The following PKP4 variants were observed in gnomAD, a reference collection of about 807,000 sequenced individuals.
PKP4 encodes the protein plakophilin-4.
In PKP4, 90 loss-of-function variants were observed where a neutral mutation model predicts 145.1. That is an observed-to-expected ratio of 0.62 (90% CI 0.52 to 0.74). PKP4 has a LOEUF of 0.74. Among genes scored for constraint, PKP4 ranks in the 30% least tolerant of loss-of-function variants. The probability of loss-of-function intolerance (pLI) is 0.00; values close to 1 mark genes in which losing one functional copy is unlikely to be tolerated. For missense variants in PKP4, 1,340 were observed against 1,482.7 expected (o/e 0.90, Z 1.58); for synonymous variants, 563 against 577.2 (o/e 0.98, Z 0.35).
chr2:158,521,831 C>G (rs1574256803), intron 1 of PKP4, among the ~76,000 whole-genome samples: 1 of 152,096 alleles, frequency 6.6e-6, no homozygotes, highest in East Asian at 1.9e-4. Flanking sequence ...GATGATACTC[C>G]TAGCAATTTT....
intron 2 of PKP4, among the ~76,000 whole-genome samples, chr2:158,566,822 A>G (rs1291823018): frequency 6.6e-6 from 1 of 152,202 alleles, no homozygotes; most frequent in East Asian, 1.9e-4. Flanking sequence ...AATTATTTAT[A>G]TCTGCAAACA....
chr2:158,577,070 A>G (rs1209487139), intron 2 of PKP4, among the ~76,000 whole-genome samples: 1 of 152,154 alleles, frequency 6.6e-6, no homozygotes, highest in Non-Finnish European at 1.5e-5. Context: ...ATAAAGGCTG[A>G]TATTCTATTG....
chr2:158,663,411 G>T lies in PKP4; in HGVS notation c.2543G>T (p.Gly848Val). The T allele has an allele frequency of 1.9e-6, 3 of 1,613,996 alleles. No homozygotes were observed. The highest frequency in any genetic ancestry group is 2.5e-6 in the Non-Finnish European group (3 of 1,179,970). ...CCAGCCACCTTGGAAGGCTCTGCAG[G>T]GTCTCTCCAGAACCTCTCTGCTGGC... Reference protein sequence around the residue: ...SNPATLEGSAGSLQNLSAGNW... With the variant: ...SNPATLEGSAVSLQNLSAGNW... The change falls in exon 15 of 22, where the codon GGG becomes GTG. Residue 848 changes from glycine to valine, a missense_variant. Transcript: ENST00000389759.
intron 1 of PKP4, among the ~76,000 whole-genome samples, chr2:158,532,008 G>T (rs2043597497): frequency 6.6e-6 from 1 of 152,192 alleles, no homozygotes; most frequent in South Asian, 2.1e-4. Context: ...CAGGAGAGTA[G>T]GGAAGAAGAT....
At chr2:158,529,359 T>C (rs552971918) in intron 1 of PKP4, among the ~76,000 whole-genome samples, 1 of 152,332 alleles carries the variant, frequency 6.6e-6, no homozygotes, top group East Asian at 1.9e-4. Flanking sequence ...CAGGTCAAAC[T>C]TTCTTTTCTT....
chr2:158,525,691 A>C (rs1175365371), intron 1 of PKP4, among the ~76,000 whole-genome samples: 1 of 142,846 alleles, frequency 7.0e-6, no homozygotes, highest in Non-Finnish European at 1.5e-5. Flanking sequence ...CAATGAATCC[A>C]GGAGCTGGTT....
intron 2 of PKP4, among the ~76,000 whole-genome samples, chr2:158,546,084 C>G (rs1335386084): frequency 6.6e-6 from 1 of 152,054 alleles, no homozygotes; most frequent in Non-Finnish European, 1.5e-5. Context: ...ATTTGACTGT[C>G]TGAAATGTAT....
chr2:158,606,962 C>G (rs929530491), intron 4 of PKP4, among the ~76,000 whole-genome samples: 2 of 152,058 alleles, frequency 1.3e-5, no homozygotes, highest in Non-Finnish European at 2.9e-5. Context: ...TCTCTAGTAT[C>G]GGACATTCAG....
chr2:158,617,461 TATTTA>T (rs1280670782), intron 4 of PKP4, among the ~76,000 whole-genome samples: 3 of 152,356 alleles, frequency 2.0e-5, no homozygotes, highest in East Asian at 1.9e-4. Flanking sequence ...ATATTCCAAC[TATTTA>T]ATTATAGGTT....
intron 2 of PKP4, among the ~76,000 whole-genome samples, chr2:158,560,576 A>G (rs2105735013): frequency 6.6e-6 from 1 of 152,364 alleles, no homozygotes; most frequent in African/African-American, 2.4e-5. Context: ...TGTCTATGGC[A>G]GAAATTACTT....
chr2:158,509,861 C>A (rs1299957753), intron 1 of PKP4, among the ~76,000 whole-genome samples: 1 of 151,644 alleles, frequency 6.6e-6, no homozygotes, highest in South Asian at 2.1e-4. Context: ...GGAGGAGAAT[C>A]GCTTGAACCC....
At chr2:158,464,784 C>T (rs960680265) in intron 1 of PKP4, among the ~76,000 whole-genome samples, 1 of 152,154 alleles carries the variant, frequency 6.6e-6, no homozygotes, top group Non-Finnish European at 1.5e-5. Flanking sequence ...GAGTGGGAAA[C>T]AGGGACTGTT....
At chr2:158,463,171 T>C (rs1690038987) in intron 1 of PKP4, among the ~76,000 whole-genome samples, 1 of 152,196 alleles carries the variant, frequency 6.6e-6, no homozygotes, top group East Asian at 1.9e-4. Context: ...AGGGAAGTTG[T>C]AGCTTCTTGC....
At chr2:158,461,820 C>G (rs1220878936) in intron 1 of PKP4, among the ~76,000 whole-genome samples, 2 of 152,122 alleles carry the variant, frequency 1.3e-5, no homozygotes, top group African/African-American at 4.8e-5. Context: ...CTGCCCCCAC[C>G]ACCCTGCCAC....
chr2:158,642,469 A>C lies in PKP4; in HGVS notation c.1696-17A>C, dbSNP rs760429562. Reference sequence around the variant, plus strand: ...TGCATGTTACTTAGGCCTGGTACCTAATATTTTTCATTCTAGGTGTGTAGG... The same window carrying C: ...TGCATGTTACTTAGGCCTGGTACCTCATATTTTTCATTCTAGGTGTGTAGG... On this transcript the variant is annotated splice_polypyrimidine_tract_variant and intron_variant, in intron 10 of 21. Coordinates refer to ENST00000389759, the MANE Select transcript of PKP4 (RefSeq NM_003628.6). The C allele has an allele frequency of 1.9e-6, 3 of 1,570,700 alleles. No individual in the cohort carries two copies. In the Admixed American group the frequency reaches 5.3e-5, roughly 28 times the overall value.
intron 2 of PKP4, among the ~76,000 whole-genome samples, chr2:158,562,390 A>C (rs2046607523): frequency 6.6e-6 from 1 of 152,222 alleles, no homozygotes; most frequent in Admixed American, 6.5e-5. Flanking sequence ...AATCACAAAA[A>C]GACAAATAGT....
intron 4 of PKP4, among the ~76,000 whole-genome samples, chr2:158,609,928 T>C (rs2050984631): frequency 1.3e-5 from 2 of 152,204 alleles, no homozygotes; most frequent in Admixed American, 6.5e-5. Flanking sequence ...CTGAGAAAGA[T>C]ACTTCCCAAA....
chr2:158,540,189 A>G (rs2044392784), intron 2 of PKP4, among the ~76,000 whole-genome samples: 1 of 152,184 alleles, frequency 6.6e-6, no homozygotes, highest in African/African-American at 2.4e-5. Context: ...AGAATAACTT[A>G]GTATTTGTTC....
At chr2:158,639,186 TA>T (rs2105927045) in intron 9 of PKP4, among the ~76,000 whole-genome samples, 1 of 152,374 alleles carries the variant, frequency 6.6e-6, no homozygotes, top group Non-Finnish European at 1.5e-5. Context: ...CAATAAAGGA[TA>T]ACTCCTGTTA....
Sources: allele counts gnomAD v4.1 joint callset (sites outside exome capture counted in the v4.1 genomes callset), GRCh38; gene constraint gnomAD v4.1.1; transcripts MANE v1.5; gene names NCBI Gene and HGNC (gene_info 2026-07-23, HGNC 2026-07-21).